Variants in LUZP2 observed in about 807,000 individuals in gnomAD.
The protein encoded by LUZP2 is leucine zipper protein 2.
Under a neutral mutation model 51.6 loss-of-function variants are expected in LUZP2, and 52 were observed. The observed-to-expected ratio is 1.01, with a 90% confidence interval of 0.81 to 1.27. The LOEUF (loss-of-function observed/expected upper bound fraction) is 1.27, where lower values mean the gene tolerates loss of function less well. Ranked by LOEUF, LUZP2 falls within the 50% of genes most tolerant of loss-of-function variation. LUZP2 has a pLI of 0.00. For synonymous variants in LUZP2, 154 were observed against 137.3 expected (o/e 1.12, Z -0.85); for missense variants, 436 against 395.4 (o/e 1.10, Z -0.87).
At chr11:24,860,700 A>G (rs892871255) in intron 5 of LUZP2, among the ~76,000 whole-genome samples, 2 of 152,136 alleles carry the variant, frequency 1.3e-5, no homozygotes, top group African/African-American at 4.8e-5. Flanking sequence ...AGCAGCCTAT[A>G]CAAAAGAAGG....
chr11:24,781,287 C>A (rs2134074304), intron 5 of LUZP2, among the ~76,000 whole-genome samples: 1 of 152,146 alleles, frequency 6.6e-6, no homozygotes, highest in South Asian at 2.1e-4. Flanking sequence ...AAACATTTCA[C>A]CTTTTGTCCC....
At chr11:25,021,427 G>T (rs1565239477) in intron 9 of LUZP2, among the ~76,000 whole-genome samples, 1 of 42,884 alleles carries the variant, frequency 2.3e-5, no homozygotes, top group East Asian at 2.4e-4. Flanking sequence ...CACACAGGTT[G>T]TGTGTGTGTG....
At chr11:24,678,151 C>A (rs2133863814) in intron 1 of LUZP2, among the ~76,000 whole-genome samples, 1 of 150,620 alleles carries the variant, frequency 6.6e-6, no homozygotes, top group Non-Finnish European at 1.5e-5. Flanking sequence ...TTGACCATTG[C>A]TAACTCCATA....
chr11:24,788,981 A>T (rs760666317), intron 5 of LUZP2, among the ~76,000 whole-genome samples: 1 of 152,182 alleles, frequency 6.6e-6, no homozygotes, highest in African/African-American at 2.4e-5. Context: ...TGTTTGATCA[A>T]ACTTCTGGGC....
chr11:24,896,615 C>T (rs1403079940), intron 5 of LUZP2, among the ~76,000 whole-genome samples: 1 of 152,162 alleles, frequency 6.6e-6, no homozygotes, highest in South Asian at 2.1e-4. Flanking sequence ...CCCAGCCTCC[C>T]TGACAGGCGC....
intron 4 of LUZP2, among the ~76,000 whole-genome samples, chr11:24,745,719 C>A (rs1038464836): frequency 1.1e-4 from 17 of 152,114 alleles, no homozygotes; most frequent in African/African-American, 3.4e-4. Flanking sequence ...GCTCTGTCAC[C>A]CAGGCTGAAG....
chr11:24,846,221 A>T (rs1192451355), intron 5 of LUZP2, among the ~76,000 whole-genome samples: 1 of 152,060 alleles, frequency 6.6e-6, no homozygotes, highest in Non-Finnish European at 1.5e-5. Flanking sequence ...AAAAAAAATC[A>T]AATATAAGAT....
intron 9 of LUZP2, among the ~76,000 whole-genome samples, chr11:25,038,088 A>G (rs1195327788): frequency 1.3e-5 from 2 of 151,982 alleles, no homozygotes; most frequent in Admixed American, 1.3e-4. Context: ...TTATATTAAT[A>G]TTATTAAACA....
intron 1 of LUZP2, among the ~76,000 whole-genome samples, chr11:24,710,242 G>T (rs1298583073): frequency 3.3e-5 from 5 of 152,120 alleles, no homozygotes; most frequent in Non-Finnish European, 7.4e-5. Flanking sequence ...CTCTGGAGTT[G>T]CCCTCTGTAG....
At chr11:24,914,836 G>A (rs1028871786) in intron 7 of LUZP2, among the ~76,000 whole-genome samples, 5 of 152,152 alleles carry the variant, frequency 3.3e-5, no homozygotes, top group South Asian at 4.2e-4. Context: ...AGAGACTTAC[G>A]CAAAGGTAGA....
At chr11:24,818,871 T>C (rs979716645) in intron 5 of LUZP2, among the ~76,000 whole-genome samples, 4 of 152,064 alleles carry the variant, frequency 2.6e-5, no homozygotes, top group African/African-American at 9.7e-5. Context: ...CTTATCCAAT[T>C]GTCTGTAAGT....
chr11:24,806,850 T>A (rs1246677155), intron 5 of LUZP2, among the ~76,000 whole-genome samples: 1 of 151,636 alleles, frequency 6.6e-6, no homozygotes, highest in African/African-American at 2.4e-5. Flanking sequence ...GATAAAATAA[T>A]CTCCTTTTAC....
chr11:24,535,835 G>T (rs1361676016), intron 1 of LUZP2, among the ~76,000 whole-genome samples: 2 of 151,588 alleles, frequency 1.3e-5, no homozygotes, highest in Admixed American at 1.3e-4. Context: ...TCCTTTCGAG[G>T]TTTAAAATTT....
chr11:24,703,246 A>T (rs1199349113), intron 1 of LUZP2, among the ~76,000 whole-genome samples: 2 of 152,192 alleles, frequency 1.3e-5, no homozygotes, highest in African/African-American at 2.4e-5. Flanking sequence ...TAGTGTATCC[A>T]ATTAACCTGG....
intron 2 of LUZP2, among the ~76,000 whole-genome samples, chr11:24,729,517 A>C (rs1329562915): frequency 1.3e-5 from 2 of 151,956 alleles, no homozygotes; most frequent in Non-Finnish European, 2.9e-5. Context: ...CAGAGCCATC[A>C]ATTCCTCAAG....
At position 24,815,367 on chromosome 11, in the gene LUZP2, G is replaced by A. The variant is rs374828076; in HGVS notation, c.396+52059G>A. Reference sequence around the variant, plus strand: ...TTTGATGCATATGGAAAGAAATTACGAAGTATATCTCAAATGATAATCAAA... The same window carrying A: ...TTTGATGCATATGGAAAGAAATTACAAAGTATATCTCAAATGATAATCAAA... On this transcript the variant is annotated intron_variant, in intron 5 of 11. Transcript: ENST00000336930. Among the ~76,000 whole-genome samples the A allele has an allele frequency of 1.3e-3, 192 of 152,218 alleles. 1 individual carries two copies. Among genetic ancestry groups the A allele is most frequent in the African/African-American group, 4.3e-3 (179 of 41,540 alleles).
intron 1 of LUZP2, among the ~76,000 whole-genome samples, chr11:24,515,647 G>A (rs1217621569): frequency 1.3e-5 from 2 of 152,078 alleles, no homozygotes; most frequent in Non-Finnish European, 2.9e-5. Flanking sequence ...GAACTTTTTA[G>A]CCAAAAATTT....
intron 1 of LUZP2, among the ~76,000 whole-genome samples, chr11:24,601,888 G>GTATATATATGTA (rs34392590): frequency 9.6e-6 from 1 of 104,248 alleles, no homozygotes; most frequent in Non-Finnish European, 1.7e-5. Flanking sequence ...ATGTATATAT[G>GTATATATATGTA]TATATATGTA....
At chr11:24,830,271 C>T (rs1336297152) in intron 5 of LUZP2, among the ~76,000 whole-genome samples, 3 of 124,160 alleles carry the variant, frequency 2.4e-5, no homozygotes, top group African/African-American at 6.7e-5. Flanking sequence ...TGTCAGTTGC[C>T]ACTTCTTTCT....
Sources: gnomAD v4.1 joint callset for allele counts (sites outside exome capture counted in the v4.1 genomes callset) on GRCh38, gnomAD v4.1.1 for gene constraint, MANE v1.5 for transcripts, NCBI Gene and HGNC (gene_info 2026-07-23, HGNC 2026-07-21) for gene names.